ARHGEF18: variants seen among roughly 807,000 people sequenced by gnomAD.
ARHGEF18 encodes rho guanine nucleotide exchange factor 18.
A neutral mutation model predicts 155.7 loss-of-function variants in ARHGEF18; 93 were observed. That is an observed-to-expected ratio of 0.60 (90% CI 0.50 to 0.71). The LOEUF (loss-of-function observed/expected upper bound fraction) is 0.71. ARHGEF18 is among the 30% of genes least tolerant of loss of function. ARHGEF18 has a pLI of 0.00. For synonymous variants in ARHGEF18, 742 were observed against 753.1 expected, an observed-to-expected ratio of 0.99 and a Z score of 0.24; for missense variants, 1,593 against 1,816.1, an observed-to-expected ratio of 0.88 and a Z score of 2.23.
chr19:7,436,612 CTATTG>C (rs1231127078), intron 10 of ARHGEF18, among the ~76,000 whole-genome samples: 4 of 152,060 alleles, frequency 2.6e-5, no homozygotes, highest in Admixed American at 1.3e-4. Context: ...CTTCTATGGA[CTATTG>C]TATTAGAGCA....
In ARHGEF18 at chr19:7,353,825, C is replaced by T. The variant is rs569568410; in HGVS notation, c.-111+4584C>T. Among the ~76,000 whole-genome samples, 62 of 151,576 alleles carry T rather than the reference C, an allele frequency of 4.1e-4. No homozygotes were observed. The South Asian group carries it at 0.011, about 27-fold the overall frequency. On this transcript the variant is annotated intron_variant, in intron 1 of 28. Coordinates refer to ENST00000668164, the MANE Select transcript of ARHGEF18 (RefSeq NM_001367823.1). ...AAAATTAGCTGGGCATGGTGGTGCACGCCTGTGATCCCAGCTACTAGGGAG... is the reference window on the plus strand; with the variant it reads ...AAAATTAGCTGGGCATGGTGGTGCATGCCTGTGATCCCAGCTACTAGGGAG...
In ARHGEF18 at chr19:7,362,020, A is replaced by G. The variant is rs1023733458; in HGVS notation, c.-110-761A>G. ...GAAGAAGAAGAAGAAGAAGAAGGAG[A>G]AGGAGAAGGAGAAGGAGAAGGAGAA... On this transcript the variant is annotated intron_variant, in intron 1 of 28. Coordinates refer to ENST00000668164, the MANE Select transcript of ARHGEF18 (RefSeq NM_001367823.1). Among the ~76,000 whole-genome samples the G allele has an allele frequency of 4.7e-3, 185 of 39,322 alleles. 13 individuals are homozygous for G. The East Asian group carries it at 0.072, about 15-fold the overall frequency. 25.8% of individuals were successfully genotyped at this position (39,322 alleles called of 152,430 possible). A position where few individuals can be genotyped will look rare whatever the true frequency, so the allele number is the denominator to read the frequency against.
At chr19:7,472,988 C>T (rs1487670586), downstream of ARHGEF18, 11 of 456,056 alleles carry the variant, frequency 2.4e-5, no homozygotes, top group Non-Finnish European at 4.4e-5. Flanking sequence ...GGGCACAGGG[C>T]AGGAGTGGGG....
At chr19:7,403,553 C>CTTTT (rs746180410) in intron 10 of ARHGEF18, among the ~76,000 whole-genome samples, 10 of 122,944 alleles carry the variant, frequency 8.1e-5, no homozygotes, top group African/African-American at 1.3e-4. Context: ...TTCTTTCTTT[C>CTTTT]TTTTTTTTTT....
At chr19:7,392,096 C>A (rs1971433849) in intron 10 of ARHGEF18, among the ~76,000 whole-genome samples, 1 of 151,718 alleles carries the variant, frequency 6.6e-6, no homozygotes, top group South Asian at 2.1e-4. Flanking sequence ...CAAAAATTAG[C>A]CAGATGTAGT....
chr19:7,380,891 G>A (rs960526831), intron 7 of ARHGEF18, 26 bp from the exon 8 acceptor site: 1 of 1,230,682 alleles, frequency 8.1e-7, no homozygotes, highest in African/African-American at 1.6e-5. Flanking sequence ...TGCCGACCCA[G>A]GTATCTGTCC....
At chr19:7,370,912 C>T (rs80346630) in intron 2 of ARHGEF18, among the ~76,000 whole-genome samples, 15,007 of 141,012 alleles carry the variant, frequency 0.11, 2,227 homozygotes, top group African/African-American at 0.35. Flanking sequence ...TTTTTTTTTT[C>T]TTTCTTTCTT....
chr19:7,382,754 CT>C, intron 8 of ARHGEF18, 37 bp from the exon 9 acceptor site: 3 of 1,226,250 alleles, frequency 2.4e-6, no homozygotes, highest in Non-Finnish European at 3.1e-6. Context: ...AGAATGGCCC[CT>C]GGCCCCCTCT....
At position 7,468,747 on chromosome 19, in the gene ARHGEF18, G is replaced by T. The variant is rs1237774640; in HGVS notation, c.3481-78G>T. The T allele has an allele frequency of 4.9e-6, 7 of 1,420,306 alleles. No individual in the cohort carries two copies. In the African/African-American group the frequency reaches 1.0e-4, roughly 20 times the overall value. The allele number at this position is 1,420,306 out of a possible 1,614,324, so 88.0% of individuals were successfully genotyped here. A position where few individuals can be genotyped will look rare whatever the true frequency, so the allele number is the denominator to read the frequency against. The stretch of plus-strand genomic sequence containing the variant: ...GAACAGGAGAGGTCGAGGGTCTCCT[G>T]TGCACGACCCTCGGGGGCTCTCCAG... On this transcript the variant is annotated intron_variant, in intron 26 of 28. Transcript: ENST00000668164.
intron 3 of ARHGEF18, among the ~76,000 whole-genome samples, chr19:7,373,309 C>A (rs146495237): frequency 6.6e-6 from 1 of 152,098 alleles, no homozygotes; most frequent in Non-Finnish European, 1.5e-5. Context: ...ATTTATATTA[C>A]GTTGTAATAC....
chr19:7,440,265 G>C lies in ARHGEF18; in HGVS notation c.968-79G>C. The C allele has an allele frequency of 6.4e-7, 1 of 1,558,464 alleles. No homozygotes were observed. Among genetic ancestry groups the C allele is most frequent in the Non-Finnish European group, 8.7e-7 (1 of 1,151,172 alleles). ...CCTGTCTGTGCTGCGGCCGCAGTCG[G>C]AGCGGGGCTTCCGCGCCGGGGACCT... On this transcript the variant is annotated intron_variant, in intron 10 of 28. Transcript: ENST00000668164. This position sits in a 1 kb window ranked among gnomAD's most constrained non-coding sequence, Gnocchi z 5.4.
intron 1 of ARHGEF18, among the ~76,000 whole-genome samples, chr19:7,361,316 T>G (rs1355419025): frequency 1.3e-5 from 2 of 152,148 alleles, no homozygotes; most frequent in African/African-American, 4.8e-5. Context: ...TGCATACGTG[T>G]AATCCCAGCT....
At chr19:7,392,550 A>C (rs1971461792) in intron 10 of ARHGEF18, 1 of 150,070 alleles carries the variant, frequency 6.7e-6, no homozygotes, top group Non-Finnish European at 1.5e-5. Context: ...AAAAAAAACA[A>C]AAAAAAAACA....
downstream of ARHGEF18, chr19:7,477,136 G>A (rs563610389): frequency 4.3e-3 from 5,757 of 1,354,572 alleles, 22 homozygotes; most frequent in Non-Finnish European, 5.2e-3. Flanking sequence ...CTGCCCTGGC[G>A]GCTTCTGCTT....
intron 17 of ARHGEF18, among the ~76,000 whole-genome samples, chr19:7,455,171 G>A (rs752328239): frequency 6.6e-5 from 10 of 152,166 alleles, no homozygotes; most frequent in African/African-American, 1.9e-4. Flanking sequence ...CGTGTATTTC[G>A]CAGACAGGTT....
chr19:7,437,482 C>T (rs924973437), intron 10 of ARHGEF18, among the ~76,000 whole-genome samples: 5 of 151,566 alleles, frequency 3.3e-5, no homozygotes, highest in African/African-American at 1.2e-4. Context: ...AGAGCTGCTG[C>T]GAGTACGTTT....
chr19:7,451,301 C>A, intron 16 of ARHGEF18, 35 bp downstream of exon 16: 1 of 1,587,856 alleles, frequency 6.3e-7, no homozygotes, highest in Non-Finnish European at 8.6e-7. Flanking sequence ...CCCGCCCGTG[C>A]TGCTGCAGCA....
Position 7,444,208 on chromosome 19 carries a change from G to T in ARHGEF18, c.1365G>T (p.Leu455=), listed in dbSNP as rs1974850561. ...CTGCCGTCTGTGTCCCTGCAGAGCT[G>T]ATGCAGACAGAGGTGCACCACGTGC... is the stretch of plus-strand genomic sequence containing the variant. ...VVKRQDVLYE[L]MQTEVHHVRT... Residue 455 remains leucine, a synonymous_variant, in exon 14 of 29, where the codon CTG becomes CTT. Transcript: ENST00000668164. This position sits in a 1 kb window ranked among gnomAD's most constrained non-coding sequence, Gnocchi z 4.7. The T allele has an allele frequency of 3.7e-6, 6 of 1,612,692 alleles. No homozygotes were observed. In the South Asian group the frequency reaches 6.6e-5, roughly 18 times the overall value.
downstream of ARHGEF18, chr19:7,477,118 C>G (rs1470795022): frequency 1.5e-6 from 2 of 1,290,938 alleles, no homozygotes; most frequent in African/African-American, 3.1e-5. Context: ...CCATGAGAGC[C>G]CCGGCCCCTG....
Sources: allele counts gnomAD v4.1 joint callset (sites outside exome capture counted in the v4.1 genomes callset), GRCh38; gene constraint gnomAD v4.1.1; non-coding constraint Gnocchi (gnomAD v3.1); transcripts MANE v1.5; gene names NCBI Gene and HGNC (gene_info 2026-07-23, HGNC 2026-07-21).